Variants in STARD9 observed in about 807,000 individuals in gnomAD.
STARD9 encodes the protein stAR-related lipid transfer protein 9.
STARD9 carries 346 observed loss-of-function variants against 399.8 expected under a neutral mutation model. The ratio of observed to expected loss-of-function variants is 0.87; its 90% CI spans 0.79 to 0.95. The LOEUF (loss-of-function observed/expected upper bound fraction) is 0.95. STARD9 is among the 40% of genes least tolerant of loss of function. The pLI is 0.00. For synonymous variants in STARD9, 2,203 were observed against 2,143.5 expected (o/e 1.03, Z -0.77); for missense variants, 5,832 against 5,667.5 (o/e 1.03, Z -0.93).
intron 3 of STARD9, among the ~76,000 whole-genome samples, chr15:42,603,127 A>G (rs1228734836): frequency 6.6e-6 from 1 of 152,156 alleles, no homozygotes; most frequent in African/African-American, 2.4e-5. Flanking sequence ...TGTGATTTAC[A>G]TATATTTACA....
In STARD9 at chr15:42,663,894, A is replaced by G. The variant is rs1016761859; in HGVS notation, c.1153A>G (p.Ile385Val). ...ATATGCATCCAGTGCCAAAAACATT[A>G]TCAACAAGCCACGAGTAAATGAGGT... ...LRYASSAKNIINKPRVNEDAN... is the reference protein window; with the variant it reads ...LRYASSAKNIVNKPRVNEDAN... Residue 385 changes from isoleucine to valine, a missense_variant, in exon 13 of 33, where the codon ATC (isoleucine) becomes GTC (valine). Transcript: ENST00000290607. The G allele has an allele frequency of 5.2e-6, 8 of 1,536,470 alleles. No homozygotes were observed. The highest frequency in any genetic ancestry group is 1.7e-4 in the Middle Eastern group (1 of 6,010).
chr15:42,681,566 G>A lies in STARD9; in HGVS notation c.2019G>A (p.Lys673=), dbSNP rs758829605. 23 of 1,537,012 alleles carry A rather than the reference G, an allele frequency of 1.5e-5. No individual in the cohort carries two copies. Among genetic ancestry groups the A allele is most frequent in the East Asian group, 2.4e-5 (1 of 40,924 alleles). ...TAGCAGAAGAGATTCGAGCTGCGAAGGAACTGGAATTTGACCAAGCTTGGA... is the reference window on the plus strand; with the variant it reads ...TAGCAGAAGAGATTCGAGCTGCGAAAGAACTGGAATTTGACCAAGCTTGGA... The part of the protein sequence containing the change: ...QILAEEIRAA[K]ELEFDQAWIS... The change falls in exon 21 of 33, where the codon AAG becomes AAA. Residue 673 remains lysine (K), a synonymous_variant. Transcript: ENST00000290607.
At chr15:42,619,600 G>T (rs537715420) in intron 3 of STARD9, among the ~76,000 whole-genome samples, 2 of 151,692 alleles carry the variant, frequency 1.3e-5, no homozygotes, top group Non-Finnish European at 2.9e-5. Context: ...TAGAACCCTC[G>T]CAGGCACCTG....
chr15:42,577,514 C>A (rs2058082898), intron 1 of STARD9, among the ~76,000 whole-genome samples: 1 of 152,214 alleles, frequency 6.6e-6, no homozygotes, highest in African/African-American at 2.4e-5. Context: ...AATTGGTTTA[C>A]TTGCAGCCAC....
intron 3 of STARD9, among the ~76,000 whole-genome samples, chr15:42,589,652 G>A (rs1159977047): frequency 5.3e-5 from 8 of 151,056 alleles, no homozygotes; most frequent in Non-Finnish European, 1.2e-4. Flanking sequence ...TGTTGCCTAG[G>A]CTGGAGCGCA....
In STARD9 at chr15:42,693,564, T is replaced by G; in HGVS notation, c.11986T>G (p.Leu3996Val). 6.5e-7 allele frequency: 1 copy of G among 1,537,284 alleles called. No individual in the cohort carries two copies. The highest frequency in any genetic ancestry group is 8.7e-7 in the Non-Finnish European group (1 of 1,146,910). The stretch of plus-strand genomic sequence containing the variant: ...GAGTCCAAAACTCCAATTTAGTTTC[T>G]TAGGGCAGCACCCTCAGCAGCTTCA... ...QQSPKLQFSF[L>V]GQHPQQLQPR... Residue 3996 changes from leucine (L) to valine (V), a missense_variant, in exon 23 of 33, where the codon TTA (leucine) becomes GTA (valine). Physicochemically the swap from Leu to Val is conservative, Grantham distance 32 (BLOSUM62 1). This residue lies in a region of STARD9 where 5,828 missense variants were observed against 5,651.1 expected (regional missense o/e 1.03). Transcript: ENST00000290607.
Position 42,687,425 on chromosome 15 carries a change from C to T in STARD9, c.5847C>T (p.Ser1949=), listed in dbSNP as rs1481109242. 2 of 1,537,100 alleles carry T rather than the reference C, an allele frequency of 1.3e-6. No individual in the cohort carries two copies. The highest frequency in any genetic ancestry group is 2.0e-5 in the Admixed American group (1 of 50,998). ...MPGESAVSLK[S]RSVDRRVSSP... is the part of the protein sequence containing the mutation. ...GGGAAAGTGCTGTTTCTTTGAAATC[C>T]AGATCAGTAGATCGTAGAGTAAGCA... The change falls in exon 23 of 33, where the codon TCC becomes TCT. Residue 1949 remains serine, a synonymous_variant. Transcript: ENST00000290607.
At chr15:42,648,201 C>T (rs1202965441) in intron 7 of STARD9, among the ~76,000 whole-genome samples, 1 of 152,196 alleles carries the variant, frequency 6.6e-6, no homozygotes, top group Admixed American at 6.5e-5. Flanking sequence ...CTTGCTCTGT[C>T]ACCCAGGTTA....
Position 42,684,464 on chromosome 15 carries a change from G to A in STARD9, c.2886G>A (p.Arg962=), listed in dbSNP as rs1473847535. The part of the protein sequence containing the change: ...LRKSANKLKP[R]HEPKIFTSTT... Reference sequence around the variant, plus strand: ...AATCAGCTAACAAACTAAAGCCAAGGCATGAGCCAAAGATCTTCACCTCTA... The same window carrying A: ...AATCAGCTAACAAACTAAAGCCAAGACATGAGCCAAAGATCTTCACCTCTA... The change falls in exon 23 of 33, where the codon AGG becomes AGA. Residue 962 remains arginine, a synonymous_variant. Coordinates refer to ENST00000290607, the MANE Select transcript of STARD9 (RefSeq NM_020759.3). 6.5e-7 allele frequency: 1 copy of A among 1,537,104 alleles called. No individual in the cohort carries two copies. The highest frequency in any genetic ancestry group is 8.7e-7 in the Non-Finnish European group (1 of 1,146,926).
chr15:42,683,124 A>C (rs940294122), intron 22 of STARD9, among the ~76,000 whole-genome samples: 8 of 151,580 alleles, frequency 5.3e-5, no homozygotes, highest in African/African-American at 1.9e-4. Flanking sequence ...TATCTCCCAG[A>C]CTCCTTGGAG....
At chr15:42,583,149 G>A (rs1286286617) in intron 1 of STARD9, among the ~76,000 whole-genome samples, 197 bp from the exon 2 acceptor site, 2 of 152,196 alleles carry the variant, frequency 1.3e-5, no homozygotes, top group East Asian at 3.8e-4. Flanking sequence ...CTGTTGCAGA[G>A]CCAAATTGTA....
chr15:42,648,814 T>C (rs1405285273), intron 7 of STARD9, among the ~76,000 whole-genome samples: 2 of 152,096 alleles, frequency 1.3e-5, no homozygotes, highest in East Asian at 1.9e-4. Context: ...TCCCATTCTT[T>C]CCTCTTCTTT....
intron 3 of STARD9, among the ~76,000 whole-genome samples, chr15:42,588,258 G>C (rs2058320709): frequency 6.6e-6 from 1 of 152,062 alleles, no homozygotes; most frequent in Admixed American, 6.5e-5. Context: ...CATTAAGCTT[G>C]AGTATGAGTT....
intron 15 of STARD9, 52 bp downstream of exon 15, chr15:42,665,900 C>G (rs2060091635): frequency 2.1e-6 from 3 of 1,452,450 alleles, no homozygotes; most frequent in African/African-American, 1.4e-5. Context: ...GGGAGCTCCT[C>G]CATTATTCCG....
At chr15:42,591,521 C>G (rs1276813906) in intron 3 of STARD9, among the ~76,000 whole-genome samples, 1 of 151,852 alleles carries the variant, frequency 6.6e-6, no homozygotes, top group African/African-American at 2.4e-5. Flanking sequence ...ACATTAGCCA[C>G]TAATCTAGGC....
chr15:42,685,375 A>C lies in STARD9; in HGVS notation c.3797A>C (p.Asp1266Ala), dbSNP rs1282595411. 2.0e-6 allele frequency: 3 copies of C among 1,537,230 alleles called. No individual in the cohort carries two copies. Among genetic ancestry groups the C allele is most frequent in the Admixed American group, 2.0e-5 (1 of 51,000 alleles). Reference sequence around the variant, plus strand: ...AACTACAGAACAGCAGCTAGGCTGGATGCCGTCCTGCCAATGAGCAGTTCG... The same window carrying C: ...AACTACAGAACAGCAGCTAGGCTGGCTGCCGTCCTGCCAATGAGCAGTTCG... ...PINYRTAARLDAVLPMSSSFY... is the reference protein window; with the variant it reads ...PINYRTAARLAAVLPMSSSFY... Residue 1266 changes from aspartate to alanine, a missense_variant, in exon 23 of 33, where the codon GAT (aspartate) becomes GCT (alanine). Physicochemically the swap from Asp to Ala is moderately radical, Grantham distance 126 (BLOSUM62 -2). Transcript: ENST00000290607.
At chr15:42,650,724 T>C (rs1271873923) in intron 7 of STARD9, among the ~76,000 whole-genome samples, 1 of 152,192 alleles carries the variant, frequency 6.6e-6, no homozygotes, top group African/African-American at 2.4e-5. Context: ...ATAACCTATA[T>C]AGCAGAACTG....
At chr15:42,640,270 C>T (rs992624842) in intron 7 of STARD9, among the ~76,000 whole-genome samples, 10 of 152,106 alleles carry the variant, frequency 6.6e-5, no homozygotes, top group African/African-American at 1.7e-4. Context: ...CATCAAGAGC[C>T]GGTCTTTTCT....
intron 24 of STARD9, 113 bp downstream of exon 24, chr15:42,694,838 A>C: frequency 1.4e-6 from 1 of 704,544 alleles, no homozygotes; most frequent in Non-Finnish European, 2.3e-6. Context: ...AGACAGGGTA[A>C]ATGGAAAGAG....
Sources: allele counts gnomAD v4.1 joint callset (sites outside exome capture counted in the v4.1 genomes callset), GRCh38; gene constraint gnomAD v4.1.1; regional missense constraint gnomAD v4.1.1; transcripts MANE v1.5; gene names NCBI Gene and HGNC (gene_info 2026-07-23, HGNC 2026-07-21).